The following ADGRL3 variants were observed in gnomAD, a reference collection of about 807,000 sequenced individuals.
The protein encoded by ADGRL3 is calcium-independent alpha-latrotoxin receptor 3.
In ADGRL3, 62 loss-of-function variants were observed where a neutral mutation model predicts 153.5. The ratio of observed to expected loss-of-function variants is 0.40; its 90% CI spans 0.33 to 0.50. The LOEUF (loss-of-function observed/expected upper bound fraction) is 0.50, where lower values mean the gene tolerates loss of function less well. ADGRL3 is among the 20% of genes least tolerant of loss of function. The pLI is 0.47. For synonymous variants in ADGRL3, 710 were observed against 672.5 expected (o/e 1.06, Z -0.86); for missense variants, 1,641 against 1,859.4 (o/e 0.88, Z 2.16).
intron 8 of ADGRL3, among the ~76,000 whole-genome samples, chr4:61,740,252 C>T (rs2096566664): frequency 6.6e-6 from 1 of 152,106 alleles, no homozygotes; most frequent in African/African-American, 2.4e-5. Context: ...TTACCTTTAA[C>T]TGGCTATTTT....
At chr4:62,042,064 AAG>A (rs879733945) in intron 24 of ADGRL3, among the ~76,000 whole-genome samples, 5 of 152,038 alleles carry the variant, frequency 3.3e-5, no homozygotes, top group Admixed American at 3.3e-4. Context: ...TAGTATGGAA[AAG>A]AGAGCATAGA....
chr4:61,647,274 T>C, intron 5 of ADGRL3, among the ~76,000 whole-genome samples: 1 of 152,072 alleles, frequency 6.6e-6, no homozygotes, highest in East Asian at 1.9e-4. Context: ...GACCAGAGCT[T>C]TTCCTATTCG....
chr4:61,717,668 C>A (rs2096148810), intron 6 of ADGRL3, among the ~76,000 whole-genome samples: 1 of 152,102 alleles, frequency 6.6e-6, no homozygotes, highest in Admixed American at 6.6e-5. Flanking sequence ...TAAAATTATG[C>A]ACTTATTTAA....
rs1403143180 is a variant in ADGRL3 at position 61,820,102 on chromosome 4, T to C, written c.1480+6213T>C. On this transcript the variant is annotated intron_variant, in intron 9 of 26. Transcript: ENST00000683033. ...TAGTCACAGTGTGTTTCTTTTCTGA[T>C]AGTGTTCATTTGAATTATGTTCAAC... Among the ~76,000 whole-genome samples, 6 of 152,274 alleles carry C rather than the reference T, an allele frequency of 3.9e-5. No homozygotes were observed. The East Asian group carries it at 7.7e-4, about 20-fold the overall frequency.
rs566388716 is a variant in ADGRL3 at position 61,508,408 on chromosome 4, C to T, written c.56-8907C>T. Among the ~76,000 whole-genome samples, 45 of 152,168 alleles carry T rather than the reference C, an allele frequency of 3.0e-4. 1 individual carries two copies. The South Asian group carries it at 8.1e-3, about 27-fold the overall frequency. On this transcript the variant is annotated intron_variant, in intron 3 of 26. Transcript: ENST00000683033. ...TGTTTGACTCTTTTACTATTCTCAG[C>T]GTATTTTATAAAGCTTTTGTAACAT... is the stretch of plus-strand genomic sequence containing the variant.
rs1267947539 is a variant in ADGRL3 at position 61,202,747 on chromosome 4, T to C, written c.-240+982T>C. On this transcript the variant is annotated intron_variant, in intron 1 of 26. Coordinates refer to ENST00000683033, the MANE Select transcript of ADGRL3 (RefSeq NM_001387552.1). The surrounding 1 kb of genome is among the most constrained non-coding windows in gnomAD (Gnocchi z 5.0). ...CCAGGCCCCCAGCACTATAGGTGGG[T>C]GTGTGTGTGTCTGTGCGTGTGTGTG... Among the ~76,000 whole-genome samples the C allele has an allele frequency of 1.3e-5, 2 of 151,620 alleles. No homozygotes were observed. Among genetic ancestry groups the C allele is most frequent in the South Asian group, 2.1e-4 (1 of 4,804 alleles).
At chr4:61,303,163 A>G (rs1263815243) in intron 1 of ADGRL3, among the ~76,000 whole-genome samples, 1 of 152,184 alleles carries the variant, frequency 6.6e-6, no homozygotes, top group East Asian at 1.9e-4. Context: ...TTTTTGGAAG[A>G]GTGGTTTGGA....
chr4:61,477,881 G>C (rs914640866), intron 2 of ADGRL3, among the ~76,000 whole-genome samples: 4 of 152,020 alleles, frequency 2.6e-5, no homozygotes, highest in South Asian at 2.1e-4. Flanking sequence ...GAAAAAACTT[G>C]TCAATTTTTA....
At chr4:61,704,328 G>T (rs937821939) in intron 6 of ADGRL3, among the ~76,000 whole-genome samples, 1 of 152,098 alleles carries the variant, frequency 6.6e-6, no homozygotes, top group Non-Finnish European at 1.5e-5. Context: ...TTGCAATAAA[G>T]AAAATCATAT....
chr4:61,849,536 A>T (rs935065712), intron 9 of ADGRL3, among the ~76,000 whole-genome samples: 4 of 151,850 alleles, frequency 2.6e-5, no homozygotes, highest in Non-Finnish European at 4.4e-5. Flanking sequence ...TCTCCCATTG[A>T]GCCCAAGCAG....
intron 4 of ADGRL3, among the ~76,000 whole-genome samples, chr4:61,543,822 G>C (rs2098701667): frequency 1.3e-5 from 2 of 152,118 alleles, no homozygotes; most frequent in South Asian, 4.1e-4. Flanking sequence ...AACTGCATCT[G>C]TATTGCTATA....
chr4:62,063,325 T>C (rs925742323), intron 25 of ADGRL3, among the ~76,000 whole-genome samples: 2 of 152,146 alleles, frequency 1.3e-5, no homozygotes, highest in African/African-American at 2.4e-5. Flanking sequence ...GACTCAGATA[T>C]GTGCATTGTT....
At chr4:61,798,712 G>T (rs2097446161) in intron 8 of ADGRL3, among the ~76,000 whole-genome samples, 1 of 151,508 alleles carries the variant, frequency 6.6e-6, no homozygotes, top group Non-Finnish European at 1.5e-5. Context: ...CCGCCTCCTG[G>T]GTTCCAGGGA....
chr4:61,486,167 A>C (rs960744502), intron 2 of ADGRL3, among the ~76,000 whole-genome samples: 4 of 152,082 alleles, frequency 2.6e-5, no homozygotes, highest in Non-Finnish European at 4.4e-5. Flanking sequence ...GATGGTCTCG[A>C]TCTCCTGACC....
intron 2 of ADGRL3, among the ~76,000 whole-genome samples, chr4:61,464,556 T>A (rs569417696): frequency 1.3e-5 from 2 of 152,304 alleles, no homozygotes; most frequent in African/African-American, 4.8e-5. Flanking sequence ...GAAAATTTTT[T>A]AATTAAAGTT....
At position 61,432,646 on chromosome 4, in the gene ADGRL3, CTTTCTTTCTTT is replaced by C. The variant is rs2097383114; in HGVS notation, c.-174+49461_-174+49471del. ...TCTTTCTTTCTTTCTTTCTTTCTTT[CTTTCTTTCTTT>C]TTTTTTTTTTTTTGAGACAGAATTT... On this transcript the variant is annotated intron_variant, in intron 2 of 26. Coordinates refer to ENST00000683033, the MANE Select transcript of ADGRL3 (RefSeq NM_001387552.1). Among the ~76,000 whole-genome samples, 5 of 10,618 alleles carry C rather than the reference CTTTCTTTCTTT, an allele frequency of 4.7e-4. 1 individual carries two copies. The highest frequency in any genetic ancestry group is 1.2e-3 in the Non-Finnish European group (5 of 4,052). The allele number at this position is 10,618 out of a possible 152,430, so 7.0% of individuals were successfully genotyped here. A position where few individuals can be genotyped will look rare whatever the true frequency, so the allele number is the denominator to read the frequency against.
intron 1 of ADGRL3, among the ~76,000 whole-genome samples, chr4:61,265,658 T>G (rs2092806939): frequency 6.6e-6 from 1 of 151,870 alleles, no homozygotes; most frequent in African/African-American, 2.4e-5. Context: ...GTTTTGAAAT[T>G]TACTAGCCTT....
chr4:61,477,885 A>T (rs79828977), intron 2 of ADGRL3, among the ~76,000 whole-genome samples: 2,866 of 152,118 alleles, frequency 0.019, 97 homozygotes, highest in African/African-American at 0.064. Flanking sequence ...AAACTTGTCA[A>T]TTTTTAATGT....
At position 61,979,544 on chromosome 4, in the gene ADGRL3, T is replaced by C. The variant is rs748200725; in HGVS notation, c.2806-19T>C. Reference sequence around the variant, plus strand: ...GTTATGCATAAGCGCAACTTATGGCTTTTTCATTGTGTTTCCAGCACAGTG... The same window carrying C: ...GTTATGCATAAGCGCAACTTATGGCCTTTTCATTGTGTTTCCAGCACAGTG... On this transcript the variant is annotated intron_variant, in intron 17 of 26. Coordinates refer to ENST00000683033, the MANE Select transcript of ADGRL3 (RefSeq NM_001387552.1). 1.2e-6 allele frequency: 2 copies of C among 1,610,770 alleles called. No homozygotes were observed. The highest frequency in any genetic ancestry group is 2.2e-5 in the East Asian group (1 of 44,882).
Sources: allele counts gnomAD v4.1 joint callset (sites outside exome capture counted in the v4.1 genomes callset), GRCh38; gene constraint gnomAD v4.1.1; non-coding constraint Gnocchi (gnomAD v3.1); transcripts MANE v1.5; gene names NCBI Gene and HGNC (gene_info 2026-07-23, HGNC 2026-07-21).